RELN: variants seen among roughly 807,000 people sequenced by gnomAD.
RELN encodes reelin.
In RELN, 108 loss-of-function variants were observed where a neutral mutation model predicts 427.6. The ratio of observed to expected loss-of-function variants is 0.25; its 90% CI spans 0.22 to 0.30. The LOEUF (loss-of-function observed/expected upper bound fraction) is 0.30. Ranked by LOEUF, RELN falls within the 10% of genes least tolerant of loss-of-function variation. The probability of loss-of-function intolerance (pLI) is 1.00; values close to 1 mark genes in which losing one functional copy is unlikely to be tolerated. For synonymous variants in RELN, 1,524 were observed against 1,513.4 expected (o/e 1.01, Z -0.16); for missense variants, 3,715 against 4,302.8 (o/e 0.86, Z 3.82).
chr7:103,778,773 T>C (rs1791813096), intron 3 of RELN, among the ~76,000 whole-genome samples: 1 of 152,232 alleles, frequency 6.6e-6, no homozygotes, highest in Admixed American at 6.5e-5. Flanking sequence ...TAATTGAACC[T>C]GAACGAACCT....
intron 20 of RELN, among the ~76,000 whole-genome samples, chr7:103,615,869 T>C (rs981666133): frequency 2.6e-5 from 4 of 152,222 alleles, no homozygotes; most frequent in African/African-American, 9.6e-5. Context: ...TGAGGTTATC[T>C]TCACTTAAGT....
In RELN at chr7:103,538,212, A is replaced by G. The variant is rs562852793; in HGVS notation, c.7180+866T>C. Among the ~76,000 whole-genome samples, 284 of 152,308 alleles carry G rather than the reference A, an allele frequency of 1.9e-3. 2 individuals carry two copies. Among genetic ancestry groups the G allele is most frequent in the African/African-American group, 6.3e-3 (263 of 41,556 alleles). On this transcript the variant is annotated intron_variant, in intron 45 of 64. Coordinates refer to ENST00000428762, the MANE Select transcript of RELN (RefSeq NM_005045.4). ...CTAATGAGAATATTAAAAATTGTGAATTCTGTAGGACCTTGAAAATAACCA... is the reference window on the plus strand; with the variant it reads ...CTAATGAGAATATTAAAAATTGTGAGTTCTGTAGGACCTTGAAAATAACCA...
At position 103,883,898 on chromosome 7, in the gene RELN, C is replaced by A. The variant is rs77806827; in HGVS notation, c.337+33177G>T. Among the ~76,000 whole-genome samples the A allele has an allele frequency of 4.0e-3, 603 of 152,278 alleles. 23 individuals carry two copies. In the East Asian group the frequency reaches 0.072, roughly 18 times the overall value. ...ATGCAACACTATTCCTGTCAAGTTG[C>A]CATTGACTTTCTTCACAAAATTAGG... On this transcript the variant is annotated intron_variant, in intron 2 of 64. Coordinates refer to ENST00000428762, the MANE Select transcript of RELN (RefSeq NM_005045.4).
chr7:103,797,510 T>G (rs934401106), intron 3 of RELN, among the ~76,000 whole-genome samples: 2 of 152,208 alleles, frequency 1.3e-5, no homozygotes, highest in African/African-American at 4.8e-5. Context: ...TACTGTTAAC[T>G]TCTTACATAA....
intron 3 of RELN, among the ~76,000 whole-genome samples, chr7:103,812,358 C>A (rs1247251382): frequency 6.6e-6 from 1 of 152,158 alleles, no homozygotes; most frequent in African/African-American, 2.4e-5. Flanking sequence ...ATTGGGCTGT[C>A]CTGCCCCCTC....
At chr7:103,624,397 A>G (rs1408013443) in intron 20 of RELN, among the ~76,000 whole-genome samples, 1 of 150,952 alleles carries the variant, frequency 6.6e-6, no homozygotes, top group Non-Finnish European at 1.5e-5. Flanking sequence ...GTCACATACC[A>G]CTCAATGTTA....
intron 3 of RELN, among the ~76,000 whole-genome samples, chr7:103,788,499 T>C (rs1310389082): frequency 2.0e-5 from 3 of 152,192 alleles, no homozygotes; most frequent in Non-Finnish European, 4.4e-5. Context: ...AGTCTCAGGA[T>C]ACAAAGTCAA....
rs60265174 is a variant in RELN at position 103,930,868 on chromosome 7, ATGTGTGTG to A, written c.227-13691_227-13684del. Among the ~76,000 whole-genome samples, 1,374 of 141,990 alleles carry A rather than the reference ATGTGTGTG, an allele frequency of 9.7e-3. 18 individuals are homozygous for A. Among genetic ancestry groups the A allele is most frequent in the African/African-American group, 0.031 (1,222 of 38,806 alleles). 93.2% of individuals were successfully genotyped at this position (141,990 alleles called of 152,430 possible). ...AGTTATGCTTCTTGGGTGTGAGCAT[ATGTGTGTG>A]TGTGTGTGTGTGTGTGTGTGTGTGT... On this transcript the variant is annotated intron_variant, in intron 1 of 64. Coordinates refer to ENST00000428762, the MANE Select transcript of RELN (RefSeq NM_005045.4).
At chr7:103,561,510 G>C in intron 36 of RELN, 22 bp downstream of exon 36, 1 of 1,575,812 alleles carries the variant, frequency 6.3e-7, no homozygotes, top group Non-Finnish European at 8.7e-7. Context: ...TGTTGGGAAG[G>C]AGAATCTTAT....
chr7:103,917,231 A>G (rs765466251), intron 1 of RELN, 46 bp from the exon 2 acceptor site: 7 of 1,349,236 alleles, frequency 5.2e-6, no homozygotes, highest in Non-Finnish European at 7.4e-6. Flanking sequence ...CAGTCAGAAT[A>G]ACACAATATA....
At chr7:103,525,301 C>T (rs1454479569) in intron 46 of RELN, among the ~76,000 whole-genome samples, 2 of 152,186 alleles carry the variant, frequency 1.3e-5, no homozygotes, top group Non-Finnish European at 2.9e-5. Context: ...GTATTTGTCA[C>T]AGTTATAGTT....
At chr7:103,547,577 G>A (rs993118250) in intron 41 of RELN, among the ~76,000 whole-genome samples, 37 of 152,170 alleles carry the variant, frequency 2.4e-4, no homozygotes, top group African/African-American at 8.0e-4. Context: ...GATTACAGGC[G>A]TGAGTCACCA....
chr7:103,535,205 A>G (rs1448321198), intron 46 of RELN, 111 bp downstream of exon 46: 3 of 966,600 alleles, frequency 3.1e-6, no homozygotes, highest in Non-Finnish European at 4.9e-6. Flanking sequence ...CAATACCATT[A>G]GCAATTAACA....
At chr7:103,786,692 A>G (rs1199855427) in intron 3 of RELN, among the ~76,000 whole-genome samples, 2 of 152,164 alleles carry the variant, frequency 1.3e-5, no homozygotes, top group Admixed American at 6.6e-5. Flanking sequence ...GAGCATCCAG[A>G]TTCATAAAGC....
At chr7:103,551,804 A>AT (rs1830416560) in intron 40 of RELN, among the ~76,000 whole-genome samples, 1 of 152,194 alleles carries the variant, frequency 6.6e-6, no homozygotes, top group Non-Finnish European at 1.5e-5. Context: ...ACAGGGAAAG[A>AT]TTTTTTTAAA....
intron 2 of RELN, among the ~76,000 whole-genome samples, chr7:103,887,748 T>C (rs1475619168): frequency 1.3e-5 from 2 of 151,958 alleles, no homozygotes; most frequent in African/African-American, 4.8e-5. Flanking sequence ...TTTCCCCTAA[T>C]TAAAGTGTTT....
At chr7:103,659,386 T>C (rs1833089966) in intron 12 of RELN, among the ~76,000 whole-genome samples, 1 of 152,096 alleles carries the variant, frequency 6.6e-6, no homozygotes, top group African/African-American at 2.4e-5. Flanking sequence ...AACTCCTTAG[T>C]AGGAATTAAA....
At chr7:103,980,326 T>TA (rs1796965542) in intron 1 of RELN, among the ~76,000 whole-genome samples, 3 of 152,162 alleles carry the variant, frequency 2.0e-5, no homozygotes, top group Admixed American at 1.3e-4. Flanking sequence ...CTTTGTGCTT[T>TA]ACCTGGGAGA....
At chr7:103,790,555 C>T (rs1236905782) in intron 3 of RELN, among the ~76,000 whole-genome samples, 1 of 152,108 alleles carries the variant, frequency 6.6e-6, no homozygotes, top group African/African-American at 2.4e-5. Flanking sequence ...CTCCGCCCCT[C>T]CAAATTCATA....
Sources: allele counts gnomAD v4.1 joint callset (sites outside exome capture counted in the v4.1 genomes callset), GRCh38; gene constraint gnomAD v4.1.1; transcripts MANE v1.5; gene names NCBI Gene and HGNC (gene_info 2026-07-23, HGNC 2026-07-21).